The following NAPA variants were observed in gnomAD, a reference collection of about 807,000 sequenced individuals.
The protein encoded by NAPA is alpha-soluble NSF attachment protein.
In NAPA, 18 loss-of-function variants were observed where a neutral mutation model predicts 48.0. The ratio of observed to expected loss-of-function variants is 0.38; its 90% confidence interval spans 0.26 to 0.56. NAPA has a LOEUF of 0.56. Ranked by LOEUF, NAPA falls within the 20% of genes least tolerant of loss-of-function variation. The pLI is 0.77. For synonymous variants in NAPA, 152 were observed against 149.9 expected (o/e 1.01, Z -0.10); for missense variants, 315 against 385.0 (o/e 0.82, Z 1.52).
intron 1 of NAPA, among the ~76,000 whole-genome samples, chr19:47,513,652 C>G (rs1968846468): frequency 6.6e-6 from 1 of 151,974 alleles, no homozygotes. Flanking sequence ...TCCCTCTTCT[C>G]AGCATGTCTC....
intron 3 of NAPA, 145 bp from the exon 4 acceptor site, chr19:47,495,741 T>G: frequency 2.7e-6 from 2 of 730,832 alleles, no homozygotes; most frequent in Non-Finnish European, 4.9e-6. Context: ...CCACACACTC[T>G]CAAGGGGCTG....
intron 7 of NAPA, chr19:47,492,560 AC>A: frequency 5.0e-6 from 2 of 399,924 alleles, no homozygotes; most frequent in South Asian, 4.2e-5. Context: ...CGCTGGGGGG[AC>A]CCCATGTGAC....
Position 47,489,697 on chromosome 19 carries a change from T to C in NAPA, c.786+14A>G, listed in dbSNP as rs373974207. 47 of 1,613,786 alleles carry C rather than the reference T, an allele frequency of 2.9e-5. No homozygotes were observed. Among genetic ancestry groups the C allele is most frequent in the Non-Finnish European group, 3.7e-5 (44 of 1,179,894 alleles). ...CCCCGTGAAGGGGCCTGGCCCCCCA[T>C]GCTGGCCACTCACCGACTCGGTGTA... On this transcript the variant is annotated intron_variant, in intron 10 of 10. Transcript: ENST00000263354.
intron 3 of NAPA, among the ~76,000 whole-genome samples, chr19:47,498,306 T>C (rs1968483930): frequency 6.6e-6 from 1 of 152,058 alleles, no homozygotes; most frequent in African/African-American, 2.4e-5. Context: ...CAGCGCTGTC[T>C]CACAAGGCAC....
At chr19:47,492,721 G>A in intron 7 of NAPA, 1 of 666,722 alleles carries the variant, frequency 1.5e-6, no homozygotes, top group Non-Finnish European at 2.8e-6. Context: ...GCTCTGCGAG[G>A]GGTGTGGGAG....
chr19:47,493,727 C>T lies in NAPA; in HGVS notation c.343-234G>A. 1 of 553,594 alleles carries T rather than the reference C, an allele frequency of 1.8e-6. No homozygotes were observed. Among genetic ancestry groups the T allele is most frequent in the Non-Finnish European group, 3.3e-6 (1 of 306,066 alleles). 34.3% of individuals were successfully genotyped at this position (553,594 alleles called of 1,614,324 possible). On this transcript the variant is annotated intron_variant, in intron 4 of 10. Transcript: ENST00000263354. This position sits in a 1 kb window ranked among gnomAD's most constrained non-coding sequence, Gnocchi z 6.4. ...GCTGAGCGGGTGATGTTGGACAAGCCACTCCAGGGCCTTAGCCTAATTCCA... is the reference window on the plus strand; with the variant it reads ...GCTGAGCGGGTGATGTTGGACAAGCTACTCCAGGGCCTTAGCCTAATTCCA...
At chr19:47,513,850 T>TC (rs1568473080) in intron 1 of NAPA, among the ~76,000 whole-genome samples, 1 of 133,492 alleles carries the variant, frequency 7.5e-6, no homozygotes, top group Non-Finnish European at 1.6e-5. Flanking sequence ...TTCTTTCTTT[T>TC]TTTTTTTTTT....
At chr19:47,508,110 G>A (rs965424033) in intron 1 of NAPA, among the ~76,000 whole-genome samples, 7 of 152,158 alleles carry the variant, frequency 4.6e-5, no homozygotes, top group Non-Finnish European at 8.8e-5. Context: ...TGCTGGGGCT[G>A]CGTGGAGCAT....
intron 3 of NAPA, chr19:47,496,022 G>A (rs924737874): frequency 2.2e-5 from 4 of 184,972 alleles, no homozygotes; most frequent in East Asian, 1.6e-4. Flanking sequence ...CATGGGAGGC[G>A]GCCAAACCAG....
At position 47,498,490 on chromosome 19, in the gene NAPA, G is replaced by A. The variant is rs1248307692; in HGVS notation, c.295+2143C>T. On this transcript the variant is annotated intron_variant, in intron 3 of 10. Transcript: ENST00000263354. ...CAGACGAGGAAACAGAGGCCCAAAA[G>A]ACTGACTTGCCCAGGATCACAGGGG... Among the ~76,000 whole-genome samples the A allele has an allele frequency of 2.0e-5, 3 of 152,336 alleles. No individual in the cohort carries two copies. The East Asian group carries it at 5.8e-4, about 29-fold the overall frequency.
intron 1 of NAPA, among the ~76,000 whole-genome samples, chr19:47,513,846 CTTTTTTTTTTT>C (rs776314156): frequency 8.6e-6 from 1 of 115,854 alleles, no homozygotes; most frequent in Admixed American, 8.9e-5. Context: ...TTCTTTCTTT[CTTTTTTTTTTT>C]TTTTTTTTTT....
intron 3 of NAPA, chr19:47,495,923 G>C (rs959011902): frequency 3.5e-5 from 12 of 339,572 alleles, no homozygotes; most frequent in Non-Finnish European, 5.6e-5. Context: ...GCTAGGCCAG[G>C]ATGATGGCCA....
In NAPA at chr19:47,515,012, G is replaced by T. The variant is rs946750853; in HGVS notation, c.-72C>A. The T allele has an allele frequency of 5.4e-6, 8 of 1,484,928 alleles. No homozygotes were observed. The highest frequency in any genetic ancestry group is 1.9e-5 in the Admixed American group (1 of 51,808). The allele number at this position is 1,484,928 out of a possible 1,614,324, so 92.0% of individuals were successfully genotyped here. ...AAGACTCAGCCGCGGCCGGGCCGCG[G>T]AACACAGATCGGTAAAACTCGCCCG... is the stretch of plus-strand genomic sequence containing the variant. On this transcript the variant is annotated 5_prime_UTR_variant, in exon 1 of 11. Coordinates refer to ENST00000263354, the MANE Select transcript of NAPA (RefSeq NM_003827.4).
At chr19:47,491,610 G>C (rs1028667198) in intron 8 of NAPA, 1 of 167,092 alleles carries the variant, frequency 6.0e-6, no homozygotes, top group South Asian at 1.6e-4. Context: ...CTAAAGCCAC[G>C]ACAGCAGGAG....
chr19:47,514,808 C>T (rs1447708587), intron 1 of NAPA, 35 bp downstream of exon 1: 1 of 1,599,720 alleles, frequency 6.3e-7, no homozygotes. Flanking sequence ...TCCTCTCAGC[C>T]TAGGTCCCGG....
intron 1 of NAPA, among the ~76,000 whole-genome samples, chr19:47,509,708 C>T (rs929265239): frequency 6.6e-6 from 1 of 152,212 alleles, no homozygotes; most frequent in Non-Finnish European, 1.5e-5. Context: ...GCCTCCCATG[C>T]CCCACCCCTT....
intron 1 of NAPA, among the ~76,000 whole-genome samples, chr19:47,508,875 C>T (rs181207452): frequency 1.0e-3 from 154 of 152,028 alleles, no homozygotes; most frequent in Non-Finnish European, 1.7e-3. Context: ...TGCTTGATCT[C>T]GAGTTTGAGA....
downstream of NAPA, among the ~76,000 whole-genome samples, chr19:47,487,022 C>T (rs1233185801): frequency 6.6e-6 from 1 of 152,206 alleles, no homozygotes. Flanking sequence ...CTGCGCGGGG[C>T]AGGGTAAAGC....
intron 7 of NAPA, 49 bp downstream of exon 7, chr19:47,492,912 G>A: frequency 6.3e-7 from 1 of 1,575,686 alleles, no homozygotes; most frequent in Middle Eastern, 1.7e-4. Flanking sequence ...AGGAGGCACA[G>A]GCCCTGAGAG....
Sources: gnomAD v4.1 joint callset for allele counts (sites outside exome capture counted in the v4.1 genomes callset) on GRCh38, gnomAD v4.1.1 for gene constraint, Gnocchi (gnomAD v3.1) non-coding constraint, MANE v1.5 for transcripts, NCBI Gene and HGNC (gene_info 2026-07-23, HGNC 2026-07-21) for gene names.